Variants in PDE12 observed in about 807,000 individuals in gnomAD.
PDE12 encodes the protein 2',5'-phosphodiesterase 12.
Under a neutral mutation model 45.4 loss-of-function variants are expected in PDE12, and 26 were observed. That is an observed-to-expected ratio of 0.57 (90% CI 0.42 to 0.79). The LOEUF (loss-of-function observed/expected upper bound fraction) is 0.79. Among genes scored for constraint, PDE12 ranks in the 30% least tolerant of loss-of-function variants. PDE12 has a pLI of 0.00. For missense variants in PDE12, 668 were observed against 790.0 expected (o/e 0.85, Z 1.85); for synonymous variants, 283 against 323.9 (o/e 0.87, Z 1.36).
the PDE12 span, among the ~76,000 whole-genome samples, chr3:57,638,386 G>A: frequency 6.6e-6 from 1 of 151,848 alleles, no homozygotes; most frequent in South Asian, 2.1e-4. Context: ...GGCTGGGTGT[G>A]GTGGCTCACG....
At chr3:57,637,921 G>C in the PDE12 span, among the ~76,000 whole-genome samples, 1 of 151,942 alleles carries the variant, frequency 6.6e-6, no homozygotes, top group Non-Finnish European at 1.5e-5. Flanking sequence ...GGATCACGAG[G>C]TCAGGAATTC....
At chr3:57,654,097 G>A in the PDE12 span, among the ~76,000 whole-genome samples, 92 of 150,658 alleles carry the variant, frequency 6.1e-4, no homozygotes, top group African/African-American at 2.0e-3. Context: ...ACAGGTGCCC[G>A]CCACCACGCC....
chr3:57,601,357 C>T, the PDE12 span, among the ~76,000 whole-genome samples: 1 of 152,240 alleles, frequency 6.6e-6, no homozygotes, highest in South Asian at 2.1e-4. Flanking sequence ...GGTCCACCCA[C>T]CTCGGCCTCC....
rs200850971 is a variant in PDE12, at chr3:57,559,871, A to G, written c.1697A>G (p.Asp566Gly). 1 of 1,614,146 alleles carries G rather than the reference A, an allele frequency of 6.2e-7. No homozygotes were observed. Among genetic ancestry groups the G allele is most frequent in the East Asian group, 2.2e-5 (1 of 44,876 alleles). The change falls in exon 3 of 3, where the codon GAC (aspartate) becomes GGC (glycine). Residue 566 changes from aspartate (D) to glycine (G), a missense_variant. By Grantham distance (94) the Asp-to-Gly change is moderately conservative (BLOSUM62 -1). Around this residue, in one of 3 missense-constraint regions of PDE12, gnomAD observed 79 missense variants for 97.9 expected, o/e 0.81. Coordinates refer to ENST00000311180, the MANE Select transcript of PDE12 (RefSeq NM_177966.7). The part of the protein sequence containing the change: ...FHGCLDYIFI[D>G]LNALEVEQVI... ...GGATGTCTAGATTACATTTTCATTG[A>G]CTTAAATGCTTTAGAGGTTGAACAG...
rs773410849 is a variant in PDE12, at chr3:57,566,275, T to C, written c.*6271T>C. On this transcript the variant is annotated 3_prime_UTR_variant, in exon 3 of 3. Transcript: ENST00000311180. Reference sequence around the variant, plus strand: ...GTAGTCTTTTGTGACTGGCTTCTTTTACTTAGGATGTTTTTAAGGTTCTTA... The same window carrying C: ...GTAGTCTTTTGTGACTGGCTTCTTTCACTTAGGATGTTTTTAAGGTTCTTA... 5.3e-5 allele frequency: 8 copies of C among 152,232 alleles called. No individual in the cohort carries two copies. Among genetic ancestry groups the C allele is most frequent in the Non-Finnish European group, 8.8e-5 (6 of 68,036 alleles). The allele number at this position is 152,232 out of a possible 1,614,324, so 9.4% of individuals were successfully genotyped here. A position where few individuals can be genotyped will look rare whatever the true frequency, so the allele number is the denominator to read the frequency against.
the PDE12 span, among the ~76,000 whole-genome samples, chr3:57,637,056 A>G: frequency 3.9e-5 from 6 of 152,324 alleles, no homozygotes; most frequent in African/African-American, 1.2e-4. Flanking sequence ...GGTAAGGACA[A>G]TAATAGCCAC....
the PDE12 span, among the ~76,000 whole-genome samples, chr3:57,652,650 ATTAAC>A: frequency 2.6e-5 from 4 of 152,240 alleles, no homozygotes; most frequent in Non-Finnish European, 5.9e-5. Flanking sequence ...AGAAAAAACA[ATTAAC>A]TTATCAGTGG....
chr3:57,597,304 C>T, the PDE12 span: 2 of 640,240 alleles, frequency 3.1e-6, no homozygotes. Context: ...CGATGAAGAT[C>T]CGGCACAGGA....
In PDE12 at chr3:57,564,930, C is replaced by G. The variant is rs1462513954; in HGVS notation, c.*4926C>G. The G allele has an allele frequency of 6.6e-6, 1 of 151,424 alleles. No individual in the cohort carries two copies. Among genetic ancestry groups the G allele is most frequent in the Non-Finnish European group, 1.5e-5 (1 of 67,950 alleles). 9.4% of individuals were successfully genotyped at this position (151,424 alleles called of 1,614,324 possible). A position where few individuals can be genotyped will look rare whatever the true frequency, so the allele number is the denominator to read the frequency against. On this transcript the variant is annotated 3_prime_UTR_variant, in exon 3 of 3. Coordinates refer to ENST00000311180, the MANE Select transcript of PDE12 (RefSeq NM_177966.7). ...TTCTCAGTTCAAGCAGTCCACCCAC[C>G]TCGGCCTCCCAAAGTGCTGATATTA...
the PDE12 span, chr3:57,630,942 T>A: frequency 2.2e-5 from 36 of 1,613,428 alleles, no homozygotes; most frequent in Non-Finnish European, 1.1e-5. Context: ...GGGGAAATAC[T>A]TTTCTGCAAA....
chr3:57,641,791 G>T, the PDE12 span: 2 of 1,506,136 alleles, frequency 1.3e-6, no homozygotes, highest in Non-Finnish European at 9.2e-7. Context: ...GTGAGAAAAA[G>T]ATGAATGCTA....
Position 57,560,163 on chromosome 3 carries a change from T to C in PDE12, c.*159T>C. The C allele has an allele frequency of 7.2e-7, 1 of 1,395,640 alleles. No homozygotes were observed. The highest frequency in any genetic ancestry group is 1.7e-5 in the South Asian group (1 of 57,282). 86.5% of individuals were successfully genotyped at this position (1,395,640 alleles called of 1,614,324 possible). A position where few individuals can be genotyped will look rare whatever the true frequency, so the allele number is the denominator to read the frequency against. ...TGTCTTCGTTATGAAACTGTTGATG[T>C]TTGCATCATACATCTTCTCTTTCCT... On this transcript the variant is annotated 3_prime_UTR_variant, in exon 3 of 3. Coordinates refer to ENST00000311180, the MANE Select transcript of PDE12 (RefSeq NM_177966.7).
At chr3:57,584,957 G>A in the PDE12 span, among the ~76,000 whole-genome samples, 2 of 152,016 alleles carry the variant, frequency 1.3e-5, no homozygotes, top group South Asian at 2.1e-4. Flanking sequence ...TCCACCTCCC[G>A]GGTTCGAGCA....
chr3:57,642,362 G>T, the PDE12 span, among the ~76,000 whole-genome samples: 2 of 148,318 alleles, frequency 1.3e-5, no homozygotes, highest in African/African-American at 4.9e-5. Flanking sequence ...GAGAACCTAT[G>T]TCTACCAGGG....
At chr3:57,638,283 A>G in the PDE12 span, among the ~76,000 whole-genome samples, 1 of 148,736 alleles carries the variant, frequency 6.7e-6, no homozygotes, top group African/African-American at 2.5e-5. Flanking sequence ...TATAACTAAA[A>G]AAAAAAAACC....
chr3:57,619,414 AG>A, the PDE12 span: 1 of 152,764 alleles, frequency 6.5e-6, no homozygotes, highest in African/African-American at 2.4e-5. Flanking sequence ...AGAAACAGAA[AG>A]GGACTTCATC....
At chr3:57,570,075 A>G (rs1202017898), downstream of PDE12, among the ~76,000 whole-genome samples, 1 of 152,114 alleles carries the variant, frequency 6.6e-6, no homozygotes, top group African/African-American at 2.4e-5. Flanking sequence ...ATAGGAAATG[A>G]CACCTGTCTT....
At chr3:57,577,066 AAAC>A in the PDE12 span, among the ~76,000 whole-genome samples, 4 of 151,812 alleles carry the variant, frequency 2.6e-5, no homozygotes, top group Non-Finnish European at 4.4e-5. Context: ...AAAAAAAAAA[AAAC>A]AACACTGCTC....
rs1377249972 is a variant in PDE12 at position 57,557,394 on chromosome 3, C to G, written c.1015C>G (p.Leu339Val). Reference protein sequence around the residue: ...DYRQNLIQKELTGYNADVICL... With the variant: ...DYRQNLIQKEVTGYNADVICL... ...CCGCCAGAACCTTATCCAGAAGGAACTCACCGGCTACAACGCCGATGTCAT... is the reference window on the plus strand; with the variant it reads ...CCGCCAGAACCTTATCCAGAAGGAAGTCACCGGCTACAACGCCGATGTCAT... The change falls in exon 1 of 3, where the codon CTC becomes GTC. Residue 339 changes from leucine (L) to valine (V), a missense_variant. Leu to Val is a conservative substitution (Grantham distance 32, BLOSUM62 1). This residue lies in a region of PDE12 where 580 missense variants were observed against 662.9 expected (regional missense o/e 0.87). Coordinates refer to ENST00000311180, the MANE Select transcript of PDE12 (RefSeq NM_177966.7). 1 of 1,613,930 alleles carries G rather than the reference C, an allele frequency of 6.2e-7. No individual in the cohort carries two copies. The highest frequency in any genetic ancestry group is 8.5e-7 in the Non-Finnish European group (1 of 1,180,034).
Sources: allele counts gnomAD v4.1 joint callset (sites outside exome capture counted in the v4.1 genomes callset), GRCh38; gene constraint gnomAD v4.1.1; regional missense constraint gnomAD v4.1.1; transcripts MANE v1.5; gene names NCBI Gene and HGNC (gene_info 2026-07-23, HGNC 2026-07-21).